The following TGFBR3 variants were observed in gnomAD, a reference collection of about 807,000 sequenced individuals.
TGFBR3 encodes transforming growth factor beta receptor 3, also known as transforming growth factor beta receptor type 3.
TGFBR3 carries 46 observed loss-of-function variants against 87.9 expected under a neutral mutation model. That is an observed-to-expected ratio of 0.52 (90% confidence interval 0.41 to 0.67). The LOEUF (loss-of-function observed/expected upper bound fraction) is 0.67. Among genes scored for constraint, TGFBR3 ranks in the 30% least tolerant of loss-of-function variants. TGFBR3 has a pLI of 0.00. For synonymous variants in TGFBR3, 381 were observed against 391.6 expected (o/e 0.97, Z 0.32); for missense variants, 866 against 1,041.9 (o/e 0.83, Z 2.32).
intron 2 of TGFBR3, among the ~76,000 whole-genome samples, chr1:91,805,107 C>T (rs1675780889): frequency 6.6e-6 from 1 of 152,218 alleles, no homozygotes. Flanking sequence ...TATAAGTAAA[C>T]TGTTGTGAGC....
At chr1:91,785,044 G>A (rs748628757) in intron 3 of TGFBR3, among the ~76,000 whole-genome samples, 4 of 152,184 alleles carry the variant, frequency 2.6e-5, no homozygotes, top group Non-Finnish European at 4.4e-5. Context: ...ATTATCAAAT[G>A]GGTGTGGCTT....
intron 4 of TGFBR3, among the ~76,000 whole-genome samples, chr1:91,746,214 G>C (rs1673339862): frequency 6.6e-6 from 1 of 152,132 alleles, no homozygotes. Context: ...ATCTCCCATG[G>C]AAACGTTATC....
chr1:91,767,081 G>A (rs1674212254), intron 3 of TGFBR3, among the ~76,000 whole-genome samples: 1 of 134,166 alleles, frequency 7.5e-6, no homozygotes, highest in South Asian at 2.7e-4. Context: ...GTATCTCAGT[G>A]TATTGACTTG....
chr1:91,712,740 T>C (rs755852936), intron 12 of TGFBR3, among the ~76,000 whole-genome samples, 198 bp from the exon 13 acceptor site: 10 of 152,246 alleles, frequency 6.6e-5, no homozygotes, highest in South Asian at 2.1e-4. Context: ...CAATTTGATA[T>C]AGATGATGAC....
intron 4 of TGFBR3, among the ~76,000 whole-genome samples, chr1:91,742,819 C>T (rs570599595): frequency 3.2e-4 from 49 of 152,294 alleles, no homozygotes; most frequent in African/African-American, 1.2e-3. Flanking sequence ...CCATGCACAA[C>T]ATTTGTATTT....
chr1:91,824,727 C>T (rs776181244), intron 2 of TGFBR3, among the ~76,000 whole-genome samples: 2 of 152,100 alleles, frequency 1.3e-5, no homozygotes, highest in Non-Finnish European at 2.9e-5. Context: ...TTTGAGAGGC[C>T]GAGGCAGGTG....
At chr1:91,705,225 C>CTTT (rs35620891) in intron 14 of TGFBR3, among the ~76,000 whole-genome samples, 24 of 135,926 alleles carry the variant, frequency 1.8e-4, no homozygotes, top group Admixed American at 7.5e-5. Flanking sequence ...AGTCTCTTTT[C>CTTT]TTTTTTTTTT....
At chr1:91,747,952 T>C (rs1038963984) in intron 4 of TGFBR3, among the ~76,000 whole-genome samples, 76 of 152,226 alleles carry the variant, frequency 5.0e-4, no homozygotes, top group Admixed American at 2.0e-3. Flanking sequence ...AATCTCTTCA[T>C]ATATATATCC....
intron 2 of TGFBR3, among the ~76,000 whole-genome samples, chr1:91,803,793 C>G (rs978900551): frequency 2.0e-5 from 3 of 152,012 alleles, no homozygotes; most frequent in African/African-American, 7.2e-5. Context: ...CTACTGATCT[C>G]TCAAGGAAGC....
chr1:91,744,147 C>T (rs951843152), intron 4 of TGFBR3, among the ~76,000 whole-genome samples: 29 of 149,064 alleles, frequency 1.9e-4, no homozygotes, highest in African/African-American at 6.2e-4. Flanking sequence ...TGTAGTGGCA[C>T]GATCTCAGCT....
chr1:91,704,715 T>G (rs1671736004), intron 14 of TGFBR3, among the ~76,000 whole-genome samples: 1 of 152,198 alleles, frequency 6.6e-6, no homozygotes, highest in African/African-American at 2.4e-5. Flanking sequence ...TGTTAAAAAT[T>G]TAAATGGTAA....
chr1:91,796,391 G>A (rs1165353690), intron 3 of TGFBR3, among the ~76,000 whole-genome samples: 1 of 152,164 alleles, frequency 6.6e-6, no homozygotes, highest in South Asian at 2.1e-4. Flanking sequence ...TGAGTGCTTC[G>A]AACAGTGTTT....
At chr1:91,858,228 G>A (rs1453372516) in intron 2 of TGFBR3, among the ~76,000 whole-genome samples, 1 of 152,146 alleles carries the variant, frequency 6.6e-6, no homozygotes, top group East Asian at 1.9e-4. Flanking sequence ...CTACCCAGAT[G>A]AGCTAAATTC....
At chr1:91,854,019 AG>A (rs1195534917) in intron 2 of TGFBR3, among the ~76,000 whole-genome samples, 9 of 151,532 alleles carry the variant, frequency 5.9e-5, no homozygotes, top group Non-Finnish European at 1.0e-4. Context: ...ACCCCCTCCC[AG>A]AAAAAAAGTC....
chr1:91,703,828 T>C (rs1671703277), intron 14 of TGFBR3, among the ~76,000 whole-genome samples: 1 of 152,250 alleles, frequency 6.6e-6, no homozygotes, highest in Admixed American at 6.5e-5. Context: ...AAACTATTTA[T>C]GTTCTCTGGG....
intron 3 of TGFBR3, among the ~76,000 whole-genome samples, chr1:91,777,746 C>T (rs1390047522): frequency 4.6e-5 from 7 of 152,188 alleles, no homozygotes; most frequent in Admixed American, 1.3e-4. Flanking sequence ...GTTTCTACGT[C>T]TCCGTACTTT....
chr1:91,732,300 G>A (rs984077281), intron 5 of TGFBR3, among the ~76,000 whole-genome samples: 3 of 152,098 alleles, frequency 2.0e-5, no homozygotes, highest in African/African-American at 4.8e-5. Context: ...GTATATAGAT[G>A]AGAGCAGTTC....
chr1:91,883,607 A>C (rs1679182909), intron 1 of TGFBR3, among the ~76,000 whole-genome samples: 1 of 152,216 alleles, frequency 6.6e-6, no homozygotes, highest in African/African-American at 2.4e-5. Flanking sequence ...CAAAATAACA[A>C]TGAACTCCCC....
chr1:91,719,807 G>A (rs1672297382), intron 9 of TGFBR3, 86 bp downstream of exon 9: 1 of 1,469,992 alleles, frequency 6.8e-7, no homozygotes, highest in Admixed American at 1.7e-5. Flanking sequence ...AAAAATGAAA[G>A]AGATAGGGAG....
Sources: gnomAD v4.1 joint callset for allele counts (sites outside exome capture counted in the v4.1 genomes callset) on GRCh38, gnomAD v4.1.1 for gene constraint, MANE v1.5 for transcripts, NCBI Gene and HGNC (gene_info 2026-07-23, HGNC 2026-07-21) for gene names.